Variants in KHDRBS2 observed in about 807,000 individuals in gnomAD.
The protein encoded by KHDRBS2 is KH domain-containing, RNA-binding, signal transduction-associated protein 2.
Under a neutral mutation model 44.3 loss-of-function variants are expected in KHDRBS2, and 26 were observed. That is an observed-to-expected ratio of 0.59 (90% CI 0.43 to 0.81). The LOEUF (loss-of-function observed/expected upper bound fraction) is 0.81, where lower values mean the gene tolerates loss of function less well. Ranked by LOEUF, KHDRBS2 falls within the 40% of genes least tolerant of loss-of-function variation. The pLI, the probability that KHDRBS2 is intolerant of heterozygous loss-of-function variation, is 0.00. For synonymous variants in KHDRBS2, 194 were observed against 151.1 expected (o/e 1.28, Z -2.08); for missense variants, 476 against 433.1 (o/e 1.10, Z -0.88).
intron 7 of KHDRBS2, among the ~76,000 whole-genome samples, chr6:61,731,426 T>C (rs565821969): frequency 3.9e-5 from 6 of 152,174 alleles, no homozygotes; most frequent in Non-Finnish European, 5.9e-5. Flanking sequence ...TCATACTTAG[T>C]TTTAAAGATA....
At chr6:61,573,092 C>T in the KHDRBS2 span, among the ~76,000 whole-genome samples, 2 of 152,038 alleles carry the variant, frequency 1.3e-5, no homozygotes, top group Non-Finnish European at 2.9e-5. Context: ...CCAAAAAGCT[C>T]CTAGATCTGA....
At chr6:62,214,354 G>GT (rs1829625665) in intron 1 of KHDRBS2, among the ~76,000 whole-genome samples, 1 of 152,098 alleles carries the variant, frequency 6.6e-6, no homozygotes, top group South Asian at 2.1e-4. Context: ...TGTATTATTA[G>GT]TTTTTTAAAT....
intron 8 of KHDRBS2, among the ~76,000 whole-genome samples, chr6:61,693,996 C>T (rs746085155): frequency 4.6e-5 from 7 of 152,148 alleles, no homozygotes; most frequent in Non-Finnish European, 1.0e-4. Flanking sequence ...CATCTCTTAT[C>T]ACCAGTGATC....
intron 1 of KHDRBS2, among the ~76,000 whole-genome samples, chr6:62,247,074 A>G (rs1027532665): frequency 2.6e-5 from 4 of 151,976 alleles, no homozygotes; most frequent in African/African-American, 9.7e-5. Flanking sequence ...TTTCCTCTTA[A>G]AGTATAGAGA....
chr6:61,611,576 T>C, the KHDRBS2 span, among the ~76,000 whole-genome samples: 1 of 152,180 alleles, frequency 6.6e-6, no homozygotes, highest in Admixed American at 6.5e-5. Flanking sequence ...AGCAATCTAA[T>C]GTGTGAGTCG....
chr6:61,891,513 A>G (rs1234525763), intron 6 of KHDRBS2, among the ~76,000 whole-genome samples: 1 of 152,146 alleles, frequency 6.6e-6, no homozygotes, highest in Non-Finnish European at 1.5e-5. Context: ...GAATGGTACC[A>G]GCTCCTCCTT....
intron 5 of KHDRBS2, among the ~76,000 whole-genome samples, 174 bp from the exon 6 acceptor site, chr6:61,895,007 G>A (rs1256353887): frequency 6.6e-6 from 1 of 151,716 alleles, no homozygotes; most frequent in Non-Finnish European, 1.5e-5. Flanking sequence ...AAGATATAAA[G>A]TGTGTTGATA....
the KHDRBS2 span, among the ~76,000 whole-genome samples, chr6:61,630,053 T>G: frequency 3.4e-4 from 52 of 152,338 alleles, no homozygotes; most frequent in African/African-American, 1.2e-3. Flanking sequence ...AATCTTTAAA[T>G]TAATTTCTAT....
At chr6:62,077,838 A>G (rs1166002836) in intron 2 of KHDRBS2, among the ~76,000 whole-genome samples, 1 of 152,082 alleles carries the variant, frequency 6.6e-6, no homozygotes, top group Non-Finnish European at 1.5e-5. Context: ...TAAGAAAGCT[A>G]TATCACAAAG....
At chr6:61,678,138 A>C (rs1454233229), downstream of KHDRBS2, among the ~76,000 whole-genome samples, 1 of 151,944 alleles carries the variant, frequency 6.6e-6, no homozygotes, top group Non-Finnish European at 1.5e-5. Context: ...TTATGTAGTA[A>C]AAACAGAACT....
chr6:61,756,269 T>A (rs73474557), intron 6 of KHDRBS2, among the ~76,000 whole-genome samples: 3,605 of 152,244 alleles, frequency 0.024, 163 homozygotes, highest in African/African-American at 0.083. Flanking sequence ...AATTTATTTT[T>A]TTTTTGAGAT....
At chr6:61,683,466 G>A (rs1766514658) in intron 8 of KHDRBS2, among the ~76,000 whole-genome samples, 1 of 151,868 alleles carries the variant, frequency 6.6e-6, no homozygotes, top group Non-Finnish European at 1.5e-5. Context: ...AGGGCTGAAT[G>A]TAGTGAAAGG....
At chr6:62,243,650 G>T (rs1215157736) in intron 1 of KHDRBS2, among the ~76,000 whole-genome samples, 2 of 150,500 alleles carry the variant, frequency 1.3e-5, no homozygotes, top group African/African-American at 4.9e-5. Context: ...GTAAATAACC[G>T]CTAGAAAACA....
At chr6:62,069,372 GT>G (rs1339191796) in intron 2 of KHDRBS2, among the ~76,000 whole-genome samples, 1 of 151,868 alleles carries the variant, frequency 6.6e-6, no homozygotes, top group East Asian at 2.0e-4. Context: ...TATGTCACCT[GT>G]TTAGAAGACG....
At chr6:61,558,490 A>T in the KHDRBS2 span, among the ~76,000 whole-genome samples, 3 of 152,120 alleles carry the variant, frequency 2.0e-5, no homozygotes, top group Non-Finnish European at 4.4e-5. Flanking sequence ...TGAGCCCAGG[A>T]TGTTGAGGCT....
intron 6 of KHDRBS2, among the ~76,000 whole-genome samples, chr6:61,797,066 T>A (rs1178108594): frequency 6.6e-6 from 1 of 152,118 alleles, no homozygotes; most frequent in Non-Finnish European, 1.5e-5. Context: ...AGCTTCTGGT[T>A]TAATACAGCA....
intron 1 of KHDRBS2, among the ~76,000 whole-genome samples, chr6:62,207,176 T>C (rs1828131607): frequency 6.6e-6 from 1 of 152,070 alleles, no homozygotes; most frequent in African/African-American, 2.4e-5. Context: ...TAAAACAGAA[T>C]CATGTCTATG....
the KHDRBS2 span, among the ~76,000 whole-genome samples, chr6:61,562,060 T>C: frequency 3.3e-5 from 5 of 152,224 alleles, no homozygotes; most frequent in Admixed American, 3.3e-4. Flanking sequence ...ATTTTCACAC[T>C]GTTTACCTCA....
the KHDRBS2 span, among the ~76,000 whole-genome samples, chr6:61,598,184 T>C: frequency 0.032 from 4,827 of 151,010 alleles, 270 homozygotes; most frequent in African/African-American, 0.11. Flanking sequence ...GCCATGTCTG[T>C]CAGGCTCAAT....
Sources: gnomAD v4.1 joint callset for allele counts (sites outside exome capture counted in the v4.1 genomes callset) on GRCh38, gnomAD v4.1.1 for gene constraint, MANE v1.5 for transcripts, NCBI Gene and HGNC (gene_info 2026-07-23, HGNC 2026-07-21) for gene names.